Variants in SRBD1 observed in about 807,000 individuals in gnomAD.
The protein encoded by SRBD1 is S1 RNA binding domain 1.
SRBD1 carries 88 observed loss-of-function variants against 115.3 expected under a neutral mutation model. The ratio of observed to expected loss-of-function variants is 0.76; its 90% CI spans 0.64 to 0.91. SRBD1 has a LOEUF of 0.91. Ranked by LOEUF, SRBD1 falls within the 40% of genes least tolerant of loss-of-function variation. The pLI is 0.00. For missense variants in SRBD1, 1,385 were observed against 1,177.4 expected (o/e 1.18, Z -2.58); for synonymous variants, 509 against 407.7 (o/e 1.25, Z -2.99).
At position 45,513,454 on chromosome 2, in the gene SRBD1, T is replaced by C. The variant is rs565024940; in HGVS notation, c.1875-25123A>G. Among the ~76,000 whole-genome samples the C allele has an allele frequency of 3.3e-5, 5 of 149,410 alleles. No individual in the cohort carries two copies. In the East Asian group the frequency reaches 9.7e-4, roughly 29 times the overall value. The stretch of plus-strand genomic sequence containing the variant: ...AAAAACAACTGACCAGTTAATAAAA[T>C]ACTTCGTTTCAGCCTAGCACTGAGA... On this transcript the variant is annotated intron_variant, in intron 14 of 20. Coordinates refer to ENST00000263736, the MANE Select transcript of SRBD1 (RefSeq NM_018079.5).
chr2:45,471,600 T>A (rs543852839), intron 16 of SRBD1, among the ~76,000 whole-genome samples: 2 of 152,164 alleles, frequency 1.3e-5, no homozygotes, highest in African/African-American at 4.8e-5. Flanking sequence ...TTGCTAGAAA[T>A]AGTAATTTAG....
chr2:45,548,329 T>C (rs1162402533), intron 12 of SRBD1, among the ~76,000 whole-genome samples: 1 of 151,680 alleles, frequency 6.6e-6, no homozygotes, highest in East Asian at 1.9e-4. Flanking sequence ...CTTTTAGCAA[T>C]ACCAATCAAG....
intron 16 of SRBD1, among the ~76,000 whole-genome samples, chr2:45,468,208 CT>C (rs1336166064): frequency 6.6e-6 from 1 of 151,982 alleles, no homozygotes; most frequent in Non-Finnish European, 1.5e-5. Flanking sequence ...CTGCAACTTA[CT>C]TTCTCGCTTA....
intron 16 of SRBD1, among the ~76,000 whole-genome samples, chr2:45,420,464 T>A (rs1164530418): frequency 6.6e-6 from 1 of 152,254 alleles, no homozygotes; most frequent in East Asian, 1.9e-4. Flanking sequence ...TATATACCAC[T>A]AAGGAAGAAA....
intron 16 of SRBD1, among the ~76,000 whole-genome samples, chr2:45,420,240 G>A (rs528198891): frequency 1.3e-5 from 2 of 152,278 alleles, no homozygotes; most frequent in South Asian, 4.1e-4. Flanking sequence ...TAGGTCTAGG[G>A]TGGGGTCTAA....
intron 9 of SRBD1, among the ~76,000 whole-genome samples, chr2:45,566,844 T>C (rs1301731167): frequency 6.6e-6 from 1 of 152,090 alleles, no homozygotes; most frequent in South Asian, 2.1e-4. Flanking sequence ...ATATTATATA[T>C]TAAAAATTAA....
Position 45,573,404 on chromosome 2 carries a change from T to C in SRBD1, c.1170-62A>G, listed in dbSNP as rs112785755. On this transcript the variant is annotated intron_variant, in intron 8 of 20. Coordinates refer to ENST00000263736, the MANE Select transcript of SRBD1 (RefSeq NM_018079.5). ...TATTAATTTGTGCTTTAGTAAAGAA[T>C]ATATAGAAATAAGGATAGCAAAAAA... The C allele has an allele frequency of 3.2e-4, 485 of 1,532,884 alleles. 2 individuals are homozygous for C. In the African/African-American group the frequency reaches 5.7e-3, roughly 18 times the overall value. The allele number at this position is 1,532,884 out of a possible 1,614,324, so 95.0% of individuals were successfully genotyped here. A position where few individuals can be genotyped will look rare whatever the true frequency, so the allele number is the denominator to read the frequency against.
At chr2:45,511,321 A>G (rs1436351877) in intron 14 of SRBD1, among the ~76,000 whole-genome samples, 1 of 152,226 alleles carries the variant, frequency 6.6e-6, no homozygotes, top group East Asian at 1.9e-4. Context: ...TGCAGATGTA[A>G]TAAGATGTTC....
chr2:45,508,139 T>C (rs1670853798), intron 14 of SRBD1, among the ~76,000 whole-genome samples: 1 of 152,182 alleles, frequency 6.6e-6, no homozygotes, highest in Non-Finnish European at 1.5e-5. Flanking sequence ...TAAATGTATA[T>C]ATTCTTGAAA....
At chr2:45,458,630 G>T (rs1209572375) in intron 16 of SRBD1, among the ~76,000 whole-genome samples, 2 of 152,114 alleles carry the variant, frequency 1.3e-5, no homozygotes, top group African/African-American at 4.8e-5. Flanking sequence ...AACAAAATCT[G>T]TCCTGTTATC....
At chr2:45,489,807 C>A (rs1670237769) in intron 14 of SRBD1, among the ~76,000 whole-genome samples, 1 of 152,158 alleles carries the variant, frequency 6.6e-6, no homozygotes, top group Admixed American at 6.5e-5. Flanking sequence ...TTAACCAGCA[C>A]AACCAGGTAA....
At chr2:45,555,647 C>A (rs1027310256) in intron 10 of SRBD1, among the ~76,000 whole-genome samples, 3 of 151,956 alleles carry the variant, frequency 2.0e-5, no homozygotes, top group Non-Finnish European at 4.4e-5. Context: ...CCACCATACC[C>A]GGCTAATTTT....
chr2:45,596,398 G>A (rs1018345051), intron 4 of SRBD1, among the ~76,000 whole-genome samples: 1 of 152,194 alleles, frequency 6.6e-6, no homozygotes, highest in Non-Finnish European at 1.5e-5. Context: ...AACATTAAAA[G>A]TCTAGGTTAA....
intron 16 of SRBD1, among the ~76,000 whole-genome samples, chr2:45,441,288 A>T (rs1668661526): frequency 6.6e-6 from 1 of 152,126 alleles, no homozygotes; most frequent in Non-Finnish European, 1.5e-5. Context: ...GATCCTCCAC[A>T]CCTAGCCTCA....
intron 10 of SRBD1, among the ~76,000 whole-genome samples, chr2:45,559,744 G>A (rs563671661): frequency 6.6e-6 from 1 of 152,262 alleles, no homozygotes; most frequent in African/African-American, 2.4e-5. Context: ...TTAGGTCCTA[G>A]AAAAGTGTTT....
At chr2:45,491,197 C>G (rs762980264) in intron 14 of SRBD1, among the ~76,000 whole-genome samples, 30 of 152,064 alleles carry the variant, frequency 2.0e-4, no homozygotes, top group Non-Finnish European at 4.1e-4. Flanking sequence ...TACGAAAACA[C>G]TTTCTGTTTG....
At chr2:45,397,350 T>A (rs1311792234) in intron 19 of SRBD1, among the ~76,000 whole-genome samples, 2 of 152,214 alleles carry the variant, frequency 1.3e-5, no homozygotes, top group East Asian at 3.8e-4. Flanking sequence ...TACATTTCTT[T>A]AAAATTTATT....
rs1209413619 is a variant in SRBD1 at position 45,415,959 on chromosome 2, T to C, written c.2333+2406A>G. ...ACTCCAGAGGTCAGTCCAAAACCAA[T>C]TTAAGGATGATCATAAGAATAGAAG... On this transcript the variant is annotated intron_variant, in intron 18 of 20. Coordinates refer to ENST00000263736, the MANE Select transcript of SRBD1 (RefSeq NM_018079.5). 2.6e-5 allele frequency among the ~76,000 whole-genome samples: 4 copies of C among 151,928 alleles called. No homozygotes were observed. In the South Asian group the frequency reaches 8.3e-4, roughly 32 times the overall value.
intron 16 of SRBD1, among the ~76,000 whole-genome samples, chr2:45,473,804 T>C (rs559041739): frequency 9.2e-5 from 14 of 152,250 alleles, no homozygotes; most frequent in Non-Finnish European, 2.1e-4. Context: ...TATTCTTTAC[T>C]TCTGCATTCA....
Sources: gnomAD v4.1 joint callset for allele counts (sites outside exome capture counted in the v4.1 genomes callset) on GRCh38, gnomAD v4.1.1 for gene constraint, MANE v1.5 for transcripts, NCBI Gene and HGNC (gene_info 2026-07-23, HGNC 2026-07-21) for gene names.